Variants in TMC5 observed in about 807,000 individuals in gnomAD.
TMC5 encodes the protein transmembrane channel-like protein 5.
TMC5 carries 86 observed loss-of-function variants against 110.5 expected under a neutral mutation model. The observed-to-expected ratio is 0.78, with a 90% CI of 0.65 to 0.93. The LOEUF (loss-of-function observed/expected upper bound fraction) is 0.93, where lower values mean the gene tolerates loss of function less well. TMC5 is among the 40% of genes least tolerant of loss of function. TMC5 has a pLI of 0.00. For synonymous variants in TMC5, 455 were observed against 439.5 expected (o/e 1.04, Z -0.44); for missense variants, 1,144 against 1,222.8 (o/e 0.94, Z 0.96).
At chr16:19,430,736 T>C (rs746935316) in intron 2 of TMC5, 96 bp downstream of exon 2, 2 of 152,194 alleles carry the variant, frequency 1.3e-5, no homozygotes, top group Non-Finnish European at 2.9e-5. Flanking sequence ...CATAAAATGT[T>C]TTATGAGATA....
intron 2 of TMC5, among the ~76,000 whole-genome samples, chr16:19,436,331 A>T (rs1027029054): frequency 4.6e-5 from 7 of 150,958 alleles, no homozygotes; most frequent in African/African-American, 1.7e-4. Flanking sequence ...CATTTTTCTT[A>T]TCTTTTGGTA....
intron 4 of TMC5, among the ~76,000 whole-genome samples, chr16:19,447,616 G>A (rs770398799): frequency 1.5e-4 from 23 of 152,058 alleles, no homozygotes; most frequent in African/African-American, 3.9e-4. Flanking sequence ...CAAAATGCCC[G>A]CTCTTTAGTG....
Position 19,463,275 on chromosome 16 carries a change from T to C in TMC5, c.1149-5T>C, listed in dbSNP as rs1968075227. ...TCTCTCATTTTCTCTTGCTGTTCCC[T>C]ACAGGAAAATAGTTGACAAAGAAAA... On this transcript the variant is annotated splice_polypyrimidine_tract_variant and splice_region_variant and intron_variant, in intron 6 of 21. Transcript: ENST00000542583. 6.2e-7 allele frequency: 1 copy of C among 1,609,634 alleles called. No homozygotes were observed.
intron 2 of TMC5, among the ~76,000 whole-genome samples, chr16:19,432,991 G>A (rs928542128): frequency 6.6e-6 from 1 of 151,690 alleles, no homozygotes; most frequent in African/African-American, 2.4e-5. Context: ...ATATCTTTGT[G>A]TGTATATACA....
chr16:19,424,679 G>A (rs1967054934), intron 1 of TMC5, among the ~76,000 whole-genome samples: 1 of 152,062 alleles, frequency 6.6e-6, no homozygotes, highest in Non-Finnish European at 1.5e-5. Flanking sequence ...AAGGATACAG[G>A]TGAATAGCCA....
At chr16:19,434,495 TAG>T (rs149265842) in intron 2 of TMC5, among the ~76,000 whole-genome samples, 1 of 70,436 alleles carries the variant, frequency 1.4e-5, no homozygotes, top group African/African-American at 4.2e-5. Flanking sequence ...TAGATAGATA[TAG>T]AGAGAGAGAG....
intron 1 of TMC5, among the ~76,000 whole-genome samples, chr16:19,427,816 A>T (rs2143391239): frequency 1.3e-5 from 2 of 151,508 alleles, no homozygotes; most frequent in African/African-American, 4.8e-5. Flanking sequence ...AGTCGCCCCC[A>T]CTTGAGAACC....
chr16:19,486,433 A>G (rs996183891), intron 15 of TMC5, among the ~76,000 whole-genome samples: 1 of 151,956 alleles, frequency 6.6e-6, no homozygotes, highest in African/African-American at 2.4e-5. Context: ...CTGGAGTGCA[A>G]TGGCACAATC....
intron 9 of TMC5, among the ~76,000 whole-genome samples, chr16:19,469,279 T>C (rs1968263724): frequency 2.0e-5 from 3 of 149,252 alleles, no homozygotes; most frequent in African/African-American, 7.4e-5. Flanking sequence ...GCTTGAACCT[T>C]GGAGGTGGAG....
chr16:19,434,210 A>G (rs1352467269), intron 2 of TMC5, among the ~76,000 whole-genome samples: 2 of 120,460 alleles, frequency 1.7e-5, no homozygotes, highest in African/African-American at 3.6e-5. Context: ...CTATATATCT[A>G]TAGTATATAT....
intron 8 of TMC5, among the ~76,000 whole-genome samples, 185 bp downstream of exon 8, chr16:19,464,209 A>G (rs573682492): frequency 2.6e-5 from 4 of 152,296 alleles, no homozygotes; most frequent in African/African-American, 9.6e-5. Context: ...GCAAGCTGGG[A>G]GGCCAAAGCA....
intron 1 of TMC5, among the ~76,000 whole-genome samples, chr16:19,423,039 G>A (rs1469912507): frequency 2.6e-5 from 4 of 152,180 alleles, no homozygotes; most frequent in African/African-American, 4.8e-5. Context: ...CAGGAGGATC[G>A]ATGGAGCCCA....
intron 8 of TMC5, among the ~76,000 whole-genome samples, chr16:19,464,567 G>A (rs1290299583): frequency 1.3e-5 from 2 of 152,144 alleles, no homozygotes; most frequent in African/African-American, 4.8e-5. Flanking sequence ...GGACACTTCT[G>A]TGCACGTACA....
chr16:19,415,288 C>A (rs571828903), upstream of TMC5, among the ~76,000 whole-genome samples: 1 of 152,316 alleles, frequency 6.6e-6, no homozygotes, highest in East Asian at 1.9e-4. Context: ...CCTTGTCCCA[C>A]GCAATGGAGA....
Position 19,466,241 on chromosome 16 carries a change from A to G in TMC5, c.1637+8A>G, listed in dbSNP as rs748477341. 6.2e-7 allele frequency: 1 copy of G among 1,613,192 alleles called. No individual in the cohort carries two copies. The highest frequency in any genetic ancestry group is 1.7e-5 in the Admixed American group (1 of 59,754). ...CTTCAGTTTGCTGTTCAGGTATGGAAGCATCTACATTTCCTGATTCTGAGG... is the reference window on the plus strand; with the variant it reads ...CTTCAGTTTGCTGTTCAGGTATGGAGGCATCTACATTTCCTGATTCTGAGG... On this transcript the variant is annotated splice_region_variant and intron_variant, in intron 9 of 21. Transcript: ENST00000542583.
In TMC5 at chr16:19,440,097, C is replaced by T; in HGVS notation, c.59C>T (p.Ser20Leu). 4 of 1,614,110 alleles carry T rather than the reference C, an allele frequency of 2.5e-6. No homozygotes were observed. The highest frequency in any genetic ancestry group is 3.3e-4 in the Middle Eastern group (2 of 6,058). Residue 20 changes from serine to leucine, a missense_variant, in exon 3 of 22, where the codon TCA (serine) becomes TTA (leucine). Ser to Leu is a moderately radical substitution (Grantham distance 145). Coordinates refer to ENST00000542583, the MANE Select transcript of TMC5 (RefSeq NM_001261841.2). ...GAAGACCCAGATTACCCTGACTATT[C>T]AGGGTCTCAGAACCGTACGCAGGGG... is the stretch of plus-strand genomic sequence containing the variant. ...SEEDPDYPDY[S>L]GSQNRTQGYL...
intron 8 of TMC5, among the ~76,000 whole-genome samples, chr16:19,464,760 A>T (rs889295363): frequency 6.6e-6 from 1 of 151,692 alleles, no homozygotes; most frequent in Non-Finnish European, 1.5e-5. Flanking sequence ...AAAAATTCCT[A>T]CTATAGAAGA....
chr16:19,438,281 A>G (rs1385428062), intron 2 of TMC5, among the ~76,000 whole-genome samples: 2 of 149,958 alleles, frequency 1.3e-5, no homozygotes, highest in Non-Finnish European at 3.0e-5. Flanking sequence ...GGTCCTAGCT[A>G]CTCAGGAGGC....
intron 11 of TMC5, among the ~76,000 whole-genome samples, chr16:19,472,881 A>C (rs187273501): frequency 6.6e-4 from 100 of 152,302 alleles, no homozygotes; most frequent in African/African-American, 2.3e-3. Flanking sequence ...GGGTGAGGCC[A>C]TGCAGGGAGG....
Sources: allele counts gnomAD v4.1 joint callset (sites outside exome capture counted in the v4.1 genomes callset), GRCh38; gene constraint gnomAD v4.1.1; transcripts MANE v1.5; gene names NCBI Gene and HGNC (gene_info 2026-07-23, HGNC 2026-07-21).